Variants in NOL4L observed in about 807,000 individuals in gnomAD.
The protein encoded by NOL4L is nucleolar protein 4 like.
NOL4L carries 7 observed loss-of-function variants against 64.5 expected under a neutral mutation model. The observed-to-expected ratio is 0.11, with a 90% CI of 0.06 to 0.20. The LOEUF (loss-of-function observed/expected upper bound fraction) is 0.20. Ranked by LOEUF, NOL4L falls within the 10% of genes least tolerant of loss-of-function variation. The pLI, the probability that NOL4L is intolerant of heterozygous loss-of-function variation, is 1.00. For synonymous variants in NOL4L, 413 were observed against 401.0 expected (o/e 1.03, Z -0.36); for missense variants, 680 against 967.1 (o/e 0.70, Z 3.94).
Position 32,452,457 on chromosome 20 carries a change from G to A in NOL4L, c.1621-20C>T, listed in dbSNP as rs748713489. The stretch of plus-strand genomic sequence containing the variant: ...CTCATCCTGCAGAGGGGAGAGGGGG[G>A]CGCTGGGGAAACCAAGGGGCAGCTG... On this transcript the variant is annotated intron_variant, in intron 9 of 10. Transcript: ENST00000621426. The A allele has an allele frequency of 1.9e-6, 3 of 1,542,390 alleles. No homozygotes were observed. Among genetic ancestry groups the A allele is most frequent in the Non-Finnish European group, 2.6e-6 (3 of 1,143,922 alleles).
chr20:32,474,911 G>A, intron 4 of NOL4L, 169 bp from the exon 5 acceptor site: 1 of 985,484 alleles, frequency 1.0e-6, no homozygotes, highest in Non-Finnish European at 1.2e-6. Context: ...CTTGCCCGGT[G>A]GAAGTGGCCC....
rs576008440 is a variant in NOL4L at position 32,450,023 on chromosome 20, CT to C, written c.1823-2208del. ...CCCTGTTTCCTGCAGCTGATCTGAT[CT>C]GGAGACACCCCCGTGTAGACTCTGG... On this transcript the variant is annotated intron_variant, in intron 10 of 10. Coordinates refer to ENST00000621426, the MANE Select transcript of NOL4L (RefSeq NM_001256798.2). 238 of 152,490 alleles carry C rather than the reference CT, an allele frequency of 1.6e-3. 1 individual carries two copies. Among genetic ancestry groups the C allele is most frequent in the Non-Finnish European group, 7.2e-4 (49 of 68,164 alleles). The allele number at this position is 152,490 out of a possible 1,614,324, so 9.4% of individuals were successfully genotyped here. A position where few individuals can be genotyped will look rare whatever the true frequency, so the allele number is the denominator to read the frequency against.
intron 1 of NOL4L, among the ~76,000 whole-genome samples, chr20:32,536,797 A>AGT (rs1243471687): frequency 3.1e-4 from 2 of 6,388 alleles, no homozygotes; most frequent in Non-Finnish European, 5.7e-4. Context: ...CCCGGCTGGG[A>AGT]GTGGGGGGGG....
At chr20:32,480,285 G>A (rs768125945) in intron 4 of NOL4L, among the ~76,000 whole-genome samples, 4 of 152,184 alleles carry the variant, frequency 2.6e-5, no homozygotes, top group Non-Finnish European at 5.9e-5. Context: ...AGGAGGATTT[G>A]CTGAGAATTT....
chr20:32,565,363 C>A (rs555280769), intron 1 of NOL4L, among the ~76,000 whole-genome samples: 1 of 152,224 alleles, frequency 6.6e-6, no homozygotes, highest in Non-Finnish European at 1.5e-5. Flanking sequence ...TACAACAGAC[C>A]TCCTGTCCCA....
intron 4 of NOL4L, among the ~76,000 whole-genome samples, chr20:32,488,805 T>C (rs1021800524): frequency 0.027 from 809 of 30,112 alleles, 81 homozygotes; most frequent in South Asian, 0.038. Flanking sequence ...CTTTCTTTCT[T>C]TTTCTTTCTT....
At chr20:32,539,953 G>A (rs543851426) in intron 1 of NOL4L, among the ~76,000 whole-genome samples, 1 of 152,190 alleles carries the variant, frequency 6.6e-6, no homozygotes, top group Non-Finnish European at 1.5e-5. Flanking sequence ...GGGCTGATAT[G>A]AGCTGAATCC....
At chr20:32,533,547 A>G (rs1237125885) in intron 1 of NOL4L, 2 of 152,204 alleles carry the variant, frequency 1.3e-5, no homozygotes, top group African/African-American at 4.8e-5. Context: ...CTGGCCTAAT[A>G]TATTAATATT....
chr20:32,527,115 C>T (rs1466811373), intron 2 of NOL4L, among the ~76,000 whole-genome samples: 4 of 152,208 alleles, frequency 2.6e-5, no homozygotes, highest in Admixed American at 2.6e-4. Flanking sequence ...TCATCTGTGT[C>T]TGGCGGTGCC....
At chr20:32,563,527 G>A (rs188549872) in intron 1 of NOL4L, among the ~76,000 whole-genome samples, 2 of 152,144 alleles carry the variant, frequency 1.3e-5, no homozygotes, top group South Asian at 2.1e-4. Context: ...CTCAGGTGAC[G>A]TTCTGGGGTC....
chr20:32,488,712 G>C (rs1381231091), intron 4 of NOL4L, among the ~76,000 whole-genome samples: 1 of 152,044 alleles, frequency 6.6e-6, no homozygotes, highest in East Asian at 1.9e-4. Flanking sequence ...CGGGGCACTT[G>C]TATTTCTTTT....
chr20:32,485,278 T>C (rs2016040427), intron 4 of NOL4L, among the ~76,000 whole-genome samples: 1 of 152,038 alleles, frequency 6.6e-6, no homozygotes, highest in African/African-American at 2.4e-5. Context: ...CCTCCAACTT[T>C]TTTTCTGTAA....
intron 5 of NOL4L, among the ~76,000 whole-genome samples, chr20:32,458,123 C>T (rs1472261979): frequency 6.6e-6 from 1 of 152,220 alleles, no homozygotes; most frequent in Non-Finnish European, 1.5e-5. Flanking sequence ...AGGCCACCCA[C>T]ATCCCACCTG....
At chr20:32,517,154 C>G (rs1035585845) in intron 3 of NOL4L, among the ~76,000 whole-genome samples, 2 of 152,214 alleles carry the variant, frequency 1.3e-5, no homozygotes, top group South Asian at 2.1e-4. Context: ...AGGTCCCCCC[C>G]ACTCTGCTGG....
At chr20:32,490,706 T>A (rs771115646) in intron 4 of NOL4L, among the ~76,000 whole-genome samples, 1 of 152,234 alleles carries the variant, frequency 6.6e-6, no homozygotes, top group Non-Finnish European at 1.5e-5. Context: ...CTTGTTGAAA[T>A]ACATTCTCCT....
At chr20:32,474,086 A>G (rs531455430) in intron 5 of NOL4L, among the ~76,000 whole-genome samples, 1 of 152,332 alleles carries the variant, frequency 6.6e-6, no homozygotes, top group Admixed American at 6.5e-5. Context: ...GGTCAGGGCT[A>G]GGGAAGAATC....
chr20:32,453,272 G>T lies in NOL4L; in HGVS notation c.1497+32C>A, dbSNP rs774385500. ...GGCAGGAGGTCAGTAGTGGCACCGAGGGAAAGTGTGGGCCAGGCAGGGGGG... is the reference window on the plus strand; with the variant it reads ...GGCAGGAGGTCAGTAGTGGCACCGATGGAAAGTGTGGGCCAGGCAGGGGGG... On this transcript the variant is annotated intron_variant, in intron 8 of 10. Coordinates refer to ENST00000621426, the MANE Select transcript of NOL4L (RefSeq NM_001256798.2). The surrounding 1 kb of genome is among the most constrained non-coding windows in gnomAD (Gnocchi z 5.6). 1.2e-6 allele frequency: 2 copies of T among 1,603,168 alleles called. No individual in the cohort carries two copies. Among genetic ancestry groups the T allele is most frequent in the South Asian group, 2.2e-5 (2 of 89,836 alleles).
At chr20:32,527,065 G>A (rs1202216769) in intron 2 of NOL4L, among the ~76,000 whole-genome samples, 2 of 152,152 alleles carry the variant, frequency 1.3e-5, no homozygotes, top group African/African-American at 2.4e-5. Context: ...AGCGTAGAAT[G>A]CCAGTACAGG....
chr20:32,519,316 C>T (rs1170652367), intron 3 of NOL4L: 1 of 152,220 alleles, frequency 6.6e-6, no homozygotes, highest in East Asian at 1.9e-4. Context: ...ACAATGAACA[C>T]AAGCAGAAAG....
Sources: gnomAD v4.1 joint callset for allele counts (sites outside exome capture counted in the v4.1 genomes callset) on GRCh38, gnomAD v4.1.1 for gene constraint, Gnocchi (gnomAD v3.1) non-coding constraint, MANE v1.5 for transcripts, NCBI Gene and HGNC (gene_info 2026-07-23, HGNC 2026-07-21) for gene names.